The following TJP1 variants were observed in gnomAD, a reference collection of about 807,000 sequenced individuals.
The protein encoded by TJP1 is tight junction protein ZO-1.
Under a neutral mutation model 194.2 loss-of-function variants are expected in TJP1, and 43 were observed. The observed-to-expected ratio is 0.22, with a 90% CI of 0.17 to 0.29. TJP1 has a LOEUF of 0.29. Ranked by LOEUF, TJP1 falls within the 10% of genes least tolerant of loss-of-function variation. The probability of loss-of-function intolerance (pLI) is 1.00; values close to 1 mark genes in which losing one functional copy is unlikely to be tolerated. For synonymous variants in TJP1, 801 were observed against 779.0 expected (o/e 1.03, Z -0.47); for missense variants, 1,971 against 2,185.7 (o/e 0.90, Z 1.96).
chr15:29,773,253 T>G lies in TJP1; in HGVS notation c.189A>C (p.Gly63=). ...SIVISDVLKG[G]PAEGQLQEND... The stretch of plus-strand genomic sequence containing the variant: ...CTTACTGTAGCTGTCCTTCAGCTGG[T>G]CCTCCTTTCAGCACATCTGAAATCA... Residue 63 remains glycine (G), a synonymous_variant, in exon 3 of 28, where the codon GGA becomes GGC. Transcript: ENST00000614355. The G allele has an allele frequency of 6.2e-7, 1 of 1,614,002 alleles. No homozygotes were observed. The highest frequency in any genetic ancestry group is 8.5e-7 in the Non-Finnish European group (1 of 1,179,904).
chr15:29,876,476 G>T (rs1371166501), intron 2 of TJP1, among the ~76,000 whole-genome samples: 1 of 151,698 alleles, frequency 6.6e-6, no homozygotes, highest in East Asian at 1.9e-4. Flanking sequence ...AGCCAAGCTC[G>T]TGCCACTGCA....
At chr15:29,736,629 ACCGTTTAT>A (rs1160094955) in intron 11 of TJP1, among the ~76,000 whole-genome samples, 1 of 152,110 alleles carries the variant, frequency 6.6e-6, no homozygotes, top group African/African-American at 2.4e-5. Context: ...ACTAGGTGAA[ACCGTTTAT>A]GGGGAAGGAA....
chr15:29,701,890 T>TA (rs1199491335), intron 27 of TJP1, among the ~76,000 whole-genome samples: 1 of 152,244 alleles, frequency 6.6e-6, no homozygotes, highest in African/African-American at 2.4e-5. Context: ...TTCACACTTC[T>TA]AAAAAAATTT....
intron 2 of TJP1, among the ~76,000 whole-genome samples, chr15:29,868,657 TG>T (rs2052389515): frequency 2.0e-5 from 3 of 152,208 alleles, no homozygotes; most frequent in Admixed American, 6.5e-5. Flanking sequence ...TGGTATCCAC[TG>T]GGTTCCCGTA....
chr15:29,710,657 T>C (rs1022947530), intron 24 of TJP1, among the ~76,000 whole-genome samples, 174 bp downstream of exon 24: 1 of 152,218 alleles, frequency 6.6e-6, no homozygotes, highest in Non-Finnish European at 1.5e-5. Context: ...TCCAAAATAA[T>C]GGTCTTGTAA....
intron 2 of TJP1, among the ~76,000 whole-genome samples, chr15:29,875,415 G>C (rs888493744): frequency 4.6e-5 from 7 of 152,096 alleles, no homozygotes; most frequent in African/African-American, 1.7e-4. Context: ...CAATTCATTT[G>C]CATCCCCTTT....
At chr15:29,746,161 A>G (rs918984587) in intron 8 of TJP1, among the ~76,000 whole-genome samples, 5 of 152,062 alleles carry the variant, frequency 3.3e-5, no homozygotes, top group African/African-American at 9.7e-5. Context: ...GGCGGATCAC[A>G]AGGTCAGAAG....
At chr15:29,786,799 C>A (rs1357537824) in intron 2 of TJP1, among the ~76,000 whole-genome samples, 1 of 152,138 alleles carries the variant, frequency 6.6e-6, no homozygotes, top group Non-Finnish European at 1.5e-5. Context: ...ACTGTGCCAG[C>A]CACATTTAAA....
At chr15:29,738,502 G>C (rs897441267) in intron 10 of TJP1, among the ~76,000 whole-genome samples, 1 of 151,980 alleles carries the variant, frequency 6.6e-6, no homozygotes, top group African/African-American at 2.4e-5. Context: ...ACCTGACCTG[G>C]AACTAACATC....
At chr15:29,932,361 G>A (rs1347754066) in intron 2 of TJP1, among the ~76,000 whole-genome samples, 1 of 152,106 alleles carries the variant, frequency 6.6e-6, no homozygotes, top group South Asian at 2.1e-4. Flanking sequence ...TGACAGACAT[G>A]GTATTATAGA....
intron 2 of TJP1, among the ~76,000 whole-genome samples, chr15:29,949,418 A>G (rs1373743122): frequency 7.4e-5 from 10 of 134,554 alleles, no homozygotes; most frequent in Admixed American, 7.9e-5. Context: ...CACCACCTCT[A>G]CCTCCACAAC....
chr15:29,717,418 T>C (rs1036816355), intron 22 of TJP1, among the ~76,000 whole-genome samples: 2 of 152,248 alleles, frequency 1.3e-5, no homozygotes, highest in African/African-American at 2.4e-5. Flanking sequence ...AGAAGAGCTG[T>C]ATTCAAATCT....
rs538176747 is a variant in TJP1, at chr15:29,753,446, T to C, written c.1010+7693A>G. 4.7e-5 allele frequency among the ~76,000 whole-genome samples: 6 copies of C among 126,928 alleles called. No homozygotes were observed. The South Asian group carries it at 1.5e-3, about 31-fold the overall frequency. The allele number at this position is 126,928 out of a possible 152,430, so 83.3% of individuals were successfully genotyped here. Reference sequence around the variant, plus strand: ...TCGCAGTGAGCCGAGATCGTGCCACTGCACTCCAGCCTGGGAGACAGAGCA... The same window carrying C: ...TCGCAGTGAGCCGAGATCGTGCCACCGCACTCCAGCCTGGGAGACAGAGCA... On this transcript the variant is annotated intron_variant, in intron 8 of 27. Transcript: ENST00000614355.
chr15:29,749,070 T>G (rs149886858), intron 8 of TJP1, among the ~76,000 whole-genome samples: 1 of 152,094 alleles, frequency 6.6e-6, no homozygotes, highest in African/African-American at 2.4e-5. Flanking sequence ...GAAGGAAACT[T>G]TGGGCATTTT....
At chr15:29,764,507 G>T (rs1444240183) in intron 5 of TJP1, among the ~76,000 whole-genome samples, 2 of 152,208 alleles carry the variant, frequency 1.3e-5, no homozygotes, top group Non-Finnish European at 2.9e-5. Flanking sequence ...AGGGATCCAA[G>T]AGACAACCTA....
At position 29,772,185 on chromosome 15, in the gene TJP1, A is replaced by T; in HGVS notation, c.210-19T>A. The T allele has an allele frequency of 6.9e-7, 1 of 1,454,962 alleles. No homozygotes were observed. The highest frequency in any genetic ancestry group is 9.5e-7 in the Non-Finnish European group (1 of 1,053,572). 90.1% of individuals were successfully genotyped at this position (1,454,962 alleles called of 1,614,324 possible). On this transcript the variant is annotated intron_variant, in intron 3 of 27. Transcript: ENST00000614355. ...ATTTTCCCTAAGGGGAAAAGGGCAC[A>T]AAATAATATGTTAGAGAAAAACATT...
At chr15:29,901,777 C>T (rs1336535328) in intron 2 of TJP1, among the ~76,000 whole-genome samples, 1 of 150,466 alleles carries the variant, frequency 6.6e-6, no homozygotes, top group Non-Finnish European at 1.5e-5. Context: ...GCCAAGATTG[C>T]ACCACTGCAT....
intron 2 of TJP1, among the ~76,000 whole-genome samples, chr15:29,795,438 CA>C (rs2048345662): frequency 6.7e-6 from 1 of 150,008 alleles, no homozygotes; most frequent in Admixed American, 6.7e-5. Context: ...AAAAGACTAC[CA>C]AAAAACAAAA....
chr15:29,719,353 C>A (rs2042789647), intron 20 of TJP1, among the ~76,000 whole-genome samples: 1 of 151,924 alleles, frequency 6.6e-6, no homozygotes, highest in Non-Finnish European at 1.5e-5. Context: ...TCAGCATGTA[C>A]TAAATAAACA....
Sources: allele counts gnomAD v4.1 joint callset (sites outside exome capture counted in the v4.1 genomes callset), GRCh38; gene constraint gnomAD v4.1.1; transcripts MANE v1.5; gene names NCBI Gene and HGNC (gene_info 2026-07-23, HGNC 2026-07-21).